GALNT13: variants seen among roughly 807,000 people sequenced by gnomAD.
GALNT13 encodes polypeptide N-acetylgalactosaminyltransferase 13.
A neutral mutation model predicts 64.2 loss-of-function variants in GALNT13; 28 were observed. That is an observed-to-expected ratio of 0.44 (90% CI 0.32 to 0.60). The LOEUF is 0.60. Among genes scored for constraint, GALNT13 ranks in the 20% least tolerant of loss-of-function variants. GALNT13 has a pLI of 0.05. For synonymous variants in GALNT13, 214 were observed against 224.6 expected (o/e 0.95, Z 0.42); for missense variants, 577 against 669.8 (o/e 0.86, Z 1.53).
chr2:153,111,314 C>T, the GALNT13 span, among the ~76,000 whole-genome samples: 1 of 151,816 alleles, frequency 6.6e-6, no homozygotes, highest in Non-Finnish European at 1.5e-5. Context: ...AAAAACTAAA[C>T]CTGTTGTTTT....
chr2:153,695,082 A>G, the GALNT13 span, among the ~76,000 whole-genome samples: 1 of 152,202 alleles, frequency 6.6e-6, no homozygotes, highest in Non-Finnish European at 1.5e-5. Context: ...CCAGTAAGTA[A>G]CAAAGATAAA....
chr2:153,536,502 T>C, the GALNT13 span, among the ~76,000 whole-genome samples: 1 of 152,212 alleles, frequency 6.6e-6, no homozygotes, highest in African/African-American at 2.4e-5. Context: ...CTTGTTAAGA[T>C]GAAGTGATGA....
chr2:154,038,194 A>ACTAC (rs1698773713), intron 3 of GALNT13, among the ~76,000 whole-genome samples: 1 of 152,172 alleles, frequency 6.6e-6, no homozygotes, highest in Admixed American at 6.6e-5. Context: ...CAATGACCAT[A>ACTAC]CTACCCAAAG....
the GALNT13 span, among the ~76,000 whole-genome samples, chr2:153,599,580 G>A: frequency 6.6e-6 from 1 of 151,858 alleles, no homozygotes; most frequent in Non-Finnish European, 1.5e-5. Flanking sequence ...TGAACCCAAG[G>A]TCAGACCTTA....
the GALNT13 span, among the ~76,000 whole-genome samples, chr2:153,789,326 C>T: frequency 1.4e-5 from 2 of 148,066 alleles, no homozygotes; most frequent in Non-Finnish European, 3.0e-5. Flanking sequence ...GGAAATTAAA[C>T]AACCTGATCC....
intron 2 of GALNT13, among the ~76,000 whole-genome samples, chr2:153,943,016 C>A (rs1039624891): frequency 6.6e-6 from 1 of 152,156 alleles, no homozygotes; most frequent in African/African-American, 2.4e-5. Flanking sequence ...ATCTTATTCA[C>A]ATCAATAAGC....
At chr2:154,171,172 G>A (rs1685325203) in intron 4 of GALNT13, among the ~76,000 whole-genome samples, 1 of 152,080 alleles carries the variant, frequency 6.6e-6, no homozygotes, top group African/African-American at 2.4e-5. Context: ...ACAAATACAT[G>A]GAGGGCTTGG....
the GALNT13 span, among the ~76,000 whole-genome samples, chr2:153,543,256 A>G: frequency 6.6e-6 from 1 of 152,194 alleles, no homozygotes; most frequent in Non-Finnish European, 1.5e-5. Context: ...AGGAATGGCC[A>G]GAGAAGAATC....
the GALNT13 span, among the ~76,000 whole-genome samples, chr2:153,777,234 A>G: frequency 6.6e-6 from 1 of 152,184 alleles, no homozygotes; most frequent in Non-Finnish European, 1.5e-5. Flanking sequence ...AGGAGGAAAT[A>G]AGCCAAAACA....
intron 7 of GALNT13, 144 bp downstream of exon 7, chr2:154,246,126 T>G (rs1689769831): frequency 2.1e-6 from 1 of 470,222 alleles, no homozygotes; most frequent in Non-Finnish European, 3.6e-6. Flanking sequence ...CATAATCATA[T>G]AAGGATCAAT....
the GALNT13 span, among the ~76,000 whole-genome samples, chr2:153,362,705 G>A: frequency 1.3e-5 from 2 of 152,084 alleles, no homozygotes; most frequent in African/African-American, 4.8e-5. Flanking sequence ...AAATATATAT[G>A]CACCCAGTAC....
chr2:153,539,750 G>C, the GALNT13 span, among the ~76,000 whole-genome samples: 2 of 150,474 alleles, frequency 1.3e-5, no homozygotes, highest in Non-Finnish European at 3.0e-5. Context: ...CCATTGATCT[G>C]TATCTCTGTT....
At chr2:153,257,449 G>C in the GALNT13 span, among the ~76,000 whole-genome samples, 1 of 152,026 alleles carries the variant, frequency 6.6e-6, no homozygotes, top group South Asian at 2.1e-4. Context: ...GACCTGAGCT[G>C]TTCCTATTCA....
chr2:154,319,220 C>T (rs559805509), intron 9 of GALNT13, among the ~76,000 whole-genome samples: 7 of 152,098 alleles, frequency 4.6e-5, no homozygotes, highest in South Asian at 2.1e-4. Flanking sequence ...TAAATGTATG[C>T]GGACATTTGA....
chr2:153,232,367 A>T, the GALNT13 span, among the ~76,000 whole-genome samples: 1 of 152,216 alleles, frequency 6.6e-6, no homozygotes, highest in African/African-American at 2.4e-5. Context: ...TGTCATTGTC[A>T]TGTGGTACCT....
At chr2:154,320,532 T>C (rs1359874184) in intron 9 of GALNT13, among the ~76,000 whole-genome samples, 4 of 152,202 alleles carry the variant, frequency 2.6e-5, no homozygotes, top group African/African-American at 2.4e-5. Context: ...GAAGTCTTTT[T>C]TTCCACTGCT....
intron 3 of GALNT13, among the ~76,000 whole-genome samples, chr2:154,024,969 G>T (rs1216943467): frequency 6.6e-6 from 1 of 152,216 alleles, no homozygotes; most frequent in African/African-American, 2.4e-5. Flanking sequence ...TCCAGACCCT[G>T]ATTGCCTAGG....
the GALNT13 span, among the ~76,000 whole-genome samples, chr2:153,096,794 G>A: frequency 1.3e-5 from 2 of 152,064 alleles, no homozygotes; most frequent in Non-Finnish European, 2.9e-5. Flanking sequence ...ACAGATTAAT[G>A]AGTCTTGTTT....
intron 3 of GALNT13, among the ~76,000 whole-genome samples, chr2:154,079,796 G>T (rs1701178172): frequency 6.6e-6 from 1 of 151,496 alleles, no homozygotes; most frequent in African/African-American, 2.4e-5. Flanking sequence ...CCAATGTAAG[G>T]CATTATGATT....
Sources: allele counts gnomAD v4.1 joint callset (sites outside exome capture counted in the v4.1 genomes callset), GRCh38; gene constraint gnomAD v4.1.1; transcripts MANE v1.5; gene names NCBI Gene and HGNC (gene_info 2026-07-23, HGNC 2026-07-21).